ABCA10: variants seen among roughly 807,000 people sequenced by gnomAD.
The protein encoded by ABCA10 is ATP binding cassette subfamily A member 10.
ABCA10 carries 169 observed loss-of-function variants against 187.5 expected under a neutral mutation model. The ratio of observed to expected loss-of-function variants is 0.90; its 90% CI spans 0.80 to 1.02. The LOEUF is 1.02. ABCA10 is among the 50% of genes least tolerant of loss of function. The pLI is 0.00. For missense variants in ABCA10, 1,727 were observed against 1,812.4 expected, an observed-to-expected ratio of 0.95 and a Z score of 0.86; for synonymous variants, 574 against 601.8, an observed-to-expected ratio of 0.95 and a Z score of 0.68.
At chr17:69,224,924 C>A (rs1413757482) in intron 3 of ABCA10, among the ~76,000 whole-genome samples, 2 of 152,036 alleles carry the variant, frequency 1.3e-5, no homozygotes, top group Non-Finnish European at 2.9e-5. Flanking sequence ...TTATTTCAAT[C>A]TCAATTGAAA....
chr17:69,173,859 CTTG>C (rs1413457827), intron 25 of ABCA10, among the ~76,000 whole-genome samples: 2 of 151,990 alleles, frequency 1.3e-5, no homozygotes, highest in Non-Finnish European at 2.9e-5. Context: ...CCCTATCATG[CTTG>C]TTGTTTGTTT....
At chr17:69,208,417 C>CAAAAAAAAAAAAAAAAA (rs67858017) in intron 9 of ABCA10, among the ~76,000 whole-genome samples, 1 of 89,422 alleles carries the variant, frequency 1.1e-5, no homozygotes, top group African/African-American at 4.5e-5. Flanking sequence ...GACTCTGTCT[C>CAAAAAAAAAAAAAAAAA]AAAAAAAAAA....
Position 69,153,918 on chromosome 17 carries a change from C to T in ABCA10, c.3878G>A (p.Trp1293Ter). 6.2e-7 allele frequency: 1 copy of T among 1,614,046 alleles called. No individual in the cohort carries two copies. The highest frequency in any genetic ancestry group is 8.5e-7 in the Non-Finnish European group (1 of 1,179,986). Residue 1293 changes from tryptophan (W) to a stop codon, truncating the protein, a stop_gained, in exon 32 of 39, where the codon TGG becomes TAG. Coordinates refer to ENST00000690296, the MANE Select transcript of ABCA10 (RefSeq NM_001377321.1). LOFTEE classifies it high-confidence loss of function. ...GTGCTCTTTCATTGTAAGCTTGGGCCACAGTGAGTTCTCCTGAGGGCAGTA... is the reference window on the plus strand; with the variant it reads ...GTGCTCTTTCATTGTAAGCTTGGGCTACAGTGAGTTCTCCTGAGGGCAGTA... ...LGYCPQENSLWPKLTMKEHLE... is the reference protein window; with the variant it reads ...LGYCPQENSL
chr17:69,194,011 G>A (rs567990154), intron 12 of ABCA10, 22 bp from the exon 13 acceptor site: 15 of 1,549,210 alleles, frequency 9.7e-6, no homozygotes, highest in Non-Finnish European at 1.3e-5. Flanking sequence ...AATTTAAAAG[G>A]CTTTACTGCC....
At chr17:69,196,795 G>A (rs964451141) in intron 11 of ABCA10, among the ~76,000 whole-genome samples, 3 of 152,198 alleles carry the variant, frequency 2.0e-5, no homozygotes, top group African/African-American at 7.2e-5. Flanking sequence ...CAGATCACTC[G>A]CGGTTAGGAG....
rs1361778789 is a variant in ABCA10 at position 69,174,903 on chromosome 17, C to A, written c.2878-126G>T. 5.1e-6 allele frequency: 4 copies of A among 788,064 alleles called. No individual in the cohort carries two copies. In the East Asian group the frequency reaches 1.2e-4, roughly 24 times the overall value. The allele number at this position is 788,064 out of a possible 1,614,324, so 48.8% of individuals were successfully genotyped here. A position where few individuals can be genotyped will look rare whatever the true frequency, so the allele number is the denominator to read the frequency against. On this transcript the variant is annotated intron_variant, in intron 23 of 38. Transcript: ENST00000690296. ...ATAGTGTCTGTGTGACAAAAAGCATCCTCCTAAAAATCTAGCATCTCCAAT... is the reference window on the plus strand; with the variant it reads ...ATAGTGTCTGTGTGACAAAAAGCATACTCCTAAAAATCTAGCATCTCCAAT...
intron 1 of ABCA10, among the ~76,000 whole-genome samples, chr17:69,241,455 C>G (rs1033558991): frequency 6.6e-6 from 1 of 152,192 alleles, no homozygotes; most frequent in Non-Finnish European, 1.5e-5. Flanking sequence ...TGCCACACCT[C>G]TACTCAAAAC....
chr17:69,197,083 T>C lies in ABCA10; in HGVS notation c.1215A>G (p.Gly405=). The C allele has an allele frequency of 6.3e-7, 1 of 1,594,546 alleles. No homozygotes were observed. The highest frequency in any genetic ancestry group is 8.6e-7 in the Non-Finnish European group (1 of 1,166,866). The change falls in exon 11 of 39, where the codon GGA becomes GGG. Residue 405 remains glycine (G), a synonymous_variant. Coordinates refer to ENST00000690296, the MANE Select transcript of ABCA10 (RefSeq NM_001377321.1). ...NVIKEYNGKT[G]KVEALQGIFF... ...TTTTACCTTGCAATGCTTCTACTTT[T>C]CCAGTCTTTCCATTATATTCTTTTA...
rs540009039 is a variant in ABCA10, at chr17:69,201,187, T to C, written c.1175+313A>G. ...ACGTGTATAATATATACTTATATAC[T>C]GCATATGTATACATATACATAACAT... is the stretch of plus-strand genomic sequence containing the variant. On this transcript the variant is annotated intron_variant, in intron 10 of 38. Coordinates refer to ENST00000690296, the MANE Select transcript of ABCA10 (RefSeq NM_001377321.1). Among the ~76,000 whole-genome samples the C allele has an allele frequency of 5.3e-5, 8 of 152,296 alleles. No homozygotes were observed. In the South Asian group the frequency reaches 1.0e-3, roughly 20 times the overall value.
rs1426608916 is a variant in ABCA10 at position 69,192,624 on chromosome 17, A to G, written c.1810T>C (p.Leu604=). 5 of 1,613,516 alleles carry G rather than the reference A, an allele frequency of 3.1e-6. No homozygotes were observed. In the African/African-American group the frequency reaches 6.7e-5, roughly 22 times the overall value. Residue 604 remains leucine (L), a synonymous_variant, in exon 16 of 39, where the codon TTG becomes CTG. Transcript: ENST00000690296. ...AACAAAGATGATCCTGCACATTTCA[A>G]CTTCCCATTAGACAGAAATACTTTC... ...DRKVFLSNGK[L]KCAGSSLFLK... is the part of the protein sequence containing the mutation.
At chr17:69,158,316 A>G (rs1431731539) in intron 27 of ABCA10, among the ~76,000 whole-genome samples, 4 of 151,978 alleles carry the variant, frequency 2.6e-5, no homozygotes, top group African/African-American at 4.8e-5. Context: ...ATTTCATAAC[A>G]TGGTTGTTTC....
intron 6 of ABCA10, among the ~76,000 whole-genome samples, chr17:69,217,675 G>A (rs1418138838): frequency 6.6e-6 from 1 of 152,168 alleles, no homozygotes; most frequent in East Asian, 1.9e-4. Flanking sequence ...GTAAATTTGT[G>A]CCTGATCAGA....
chr17:69,224,769 T>C (rs554293939), intron 3 of ABCA10, among the ~76,000 whole-genome samples: 2 of 151,990 alleles, frequency 1.3e-5, no homozygotes, highest in Non-Finnish European at 2.9e-5. Flanking sequence ...CCTGATTTGA[T>C]TTTAAATAAT....
At chr17:69,190,553 T>C in intron 17 of ABCA10, 76 bp from the exon 18 acceptor site, 1 of 1,314,960 alleles carries the variant, frequency 7.6e-7, no homozygotes, top group Admixed American at 2.8e-5. Flanking sequence ...TTCTAAATAT[T>C]ACTCAAAATA....
At chr17:69,189,981 G>A (rs991717378) in intron 18 of ABCA10, among the ~76,000 whole-genome samples, 1 of 152,102 alleles carries the variant, frequency 6.6e-6, no homozygotes, top group Admixed American at 6.5e-5. Flanking sequence ...ATTAGAATTA[G>A]TTTATTAGCT....
chr17:69,194,090 T>TA (rs2074481690), intron 12 of ABCA10, 101 bp from the exon 13 acceptor site: 2 of 1,154,040 alleles, frequency 1.7e-6, no homozygotes, highest in South Asian at 1.7e-5. Context: ...AACTTGTTTT[T>TA]ATTAAAGAAA....
chr17:69,180,500 A>T (rs564909031), intron 22 of ABCA10, among the ~76,000 whole-genome samples: 14 of 151,350 alleles, frequency 9.3e-5, no homozygotes, highest in South Asian at 8.4e-4. Flanking sequence ...GAGATTGATT[A>T]AAAAAAAAGG....
chr17:69,216,452 C>T (rs1254812911), intron 6 of ABCA10, 94 bp from the exon 7 acceptor site: 5 of 1,384,178 alleles, frequency 3.6e-6, no homozygotes, highest in Non-Finnish European at 4.9e-6. Context: ...GCTCTGAAAT[C>T]AGGACTAAAT....
Position 69,216,222 on chromosome 17 carries a change from A to C in ABCA10, c.667T>G (p.Ser223Ala). ...IFTLYSLYGL[S>A]LIALAFLMSV... Reference sequence around the variant, plus strand: ...ATATGCTTTTACCAACTCACCAAAGAAAGGCCATATAAGCTATAGAGTGTG... The same window carrying C: ...ATATGCTTTTACCAACTCACCAAAGCAAGGCCATATAAGCTATAGAGTGTG... Residue 223 changes from serine (S) to alanine (A), a missense_variant, in exon 7 of 39, where the codon TCT becomes GCT. Transcript: ENST00000690296. 1 of 1,607,858 alleles carries C rather than the reference A, an allele frequency of 6.2e-7. No homozygotes were observed. Among genetic ancestry groups the C allele is most frequent in the Non-Finnish European group, 8.5e-7 (1 of 1,178,046 alleles).
Sources: gnomAD v4.1 joint callset for allele counts (sites outside exome capture counted in the v4.1 genomes callset) on GRCh38, gnomAD v4.1.1 for gene constraint, MANE v1.5 for transcripts, NCBI Gene and HGNC (gene_info 2026-07-23, HGNC 2026-07-21) for gene names.